KHDC1: variants seen among roughly 807,000 people sequenced by gnomAD.
KHDC1 encodes the protein KH domain containing 1.
KHDC1 carries 21 observed loss-of-function variants against 24.7 expected under a neutral mutation model. The observed-to-expected ratio is 0.85, with a 90% CI of 0.60 to 1.23. The LOEUF (loss-of-function observed/expected upper bound fraction) is 1.23. KHDC1 is among the 50% of genes most tolerant of loss of function. The pLI, the probability that KHDC1 is intolerant of heterozygous loss-of-function variation, is 0.00. For missense variants in KHDC1, 274 were observed against 298.5 expected (o/e 0.92, Z 0.61); for synonymous variants, 98 against 111.7 (o/e 0.88, Z 0.77).
At chr6:73,259,703 C>T (rs1028723860) in intron 2 of KHDC1, among the ~76,000 whole-genome samples, 2 of 152,168 alleles carry the variant, frequency 1.3e-5, no homozygotes, top group Non-Finnish European at 2.9e-5. Flanking sequence ...CTTCTCCACA[C>T]TTTTAAACAA....
intron 2 of KHDC1, among the ~76,000 whole-genome samples, chr6:73,252,524 C>T (rs1189215945): frequency 1.3e-5 from 2 of 152,084 alleles, no homozygotes; most frequent in Non-Finnish European, 2.9e-5. Flanking sequence ...ACTAGCCTCA[C>T]TCAGGCTGGG....
At chr6:73,264,349 A>G (rs1372426677) in intron 2 of KHDC1, among the ~76,000 whole-genome samples, 1 of 152,166 alleles carries the variant, frequency 6.6e-6, no homozygotes, top group Admixed American at 6.5e-5. Flanking sequence ...TAAAAGTTCT[A>G]ACTTTGAGGA....
intron 2 of KHDC1, chr6:73,274,134 T>C (rs1767234835): frequency 6.6e-6 from 1 of 152,162 alleles, no homozygotes; most frequent in African/African-American, 2.4e-5. Context: ...TAATAGCCAC[T>C]ACATGTTATA....
intron 2 of KHDC1, among the ~76,000 whole-genome samples, chr6:73,263,714 A>C (rs898087623): frequency 6.6e-6 from 1 of 151,924 alleles, no homozygotes; most frequent in South Asian, 2.1e-4. Flanking sequence ...TGTATTTGAG[A>C]TCCCATCTGC....
chr6:73,288,659 C>A (rs1767566817), intron 2 of KHDC1, among the ~76,000 whole-genome samples: 1 of 151,944 alleles, frequency 6.6e-6, no homozygotes, highest in Non-Finnish European at 1.5e-5. Context: ...CAGTGGCACA[C>A]ACCTGTTTTC....
chr6:73,256,709 C>T (rs991325719), intron 2 of KHDC1, among the ~76,000 whole-genome samples: 10 of 152,148 alleles, frequency 6.6e-5, no homozygotes, highest in Non-Finnish European at 2.9e-5. Flanking sequence ...GACATTTCCA[C>T]GTGTCTCATC....
At chr6:73,295,687 GA>G (rs569441996) in intron 1 of KHDC1, among the ~76,000 whole-genome samples, 20 of 150,096 alleles carry the variant, frequency 1.3e-4, no homozygotes, top group Non-Finnish European at 2.5e-4. Context: ...CTTTACTAAT[GA>G]TACAAAAATT....
chr6:73,300,066 A>G (rs1203499395), intron 1 of KHDC1: 1 of 152,306 alleles, frequency 6.6e-6, no homozygotes, highest in Admixed American at 6.6e-5. Context: ...CACATCCATA[A>G]TCGCAGCCTC....
At chr6:73,246,247 T>C (rs1766662634) in intron 2 of KHDC1, among the ~76,000 whole-genome samples, 1 of 152,196 alleles carries the variant, frequency 6.6e-6, no homozygotes, top group African/African-American at 2.4e-5. Flanking sequence ...TAATCTCTCC[T>C]TCACTGAATG....
At chr6:73,245,967 AATT>A (rs1439945162) in intron 2 of KHDC1, among the ~76,000 whole-genome samples, 46 of 152,196 alleles carry the variant, frequency 3.0e-4, no homozygotes, top group Admixed American at 2.9e-3. Flanking sequence ...CATAGTGGTA[AATT>A]ATTTCCTCAG....
intron 2 of KHDC1, among the ~76,000 whole-genome samples, chr6:73,251,914 C>T (rs1456496587): frequency 1.3e-5 from 2 of 151,676 alleles, no homozygotes; most frequent in African/African-American, 4.8e-5. Flanking sequence ...CCTCCCATTT[C>T]AGCCTCCTGA....
chr6:73,298,147 C>T (rs1334639835), intron 1 of KHDC1, among the ~76,000 whole-genome samples: 2 of 151,720 alleles, frequency 1.3e-5, no homozygotes, highest in African/African-American at 4.8e-5. Context: ...GGTGACAAAA[C>T]GAGACTCTGT....
intron 1 of KHDC1, among the ~76,000 whole-genome samples, chr6:73,307,567 T>C (rs965385297): frequency 1.3e-5 from 2 of 152,328 alleles, no homozygotes; most frequent in Non-Finnish European, 2.9e-5. Flanking sequence ...TCATCTTTCA[T>C]GGCACAAACA....
chr6:73,307,441 T>A (rs72945999), intron 1 of KHDC1, among the ~76,000 whole-genome samples: 27,125 of 150,816 alleles, frequency 0.18, 3,774 homozygotes, highest in African/African-American at 0.4. Context: ...ATAAATAAAT[T>A]AATTAATTAA....
At chr6:73,287,813 A>G (rs962674292) in intron 2 of KHDC1, among the ~76,000 whole-genome samples, 27 of 152,260 alleles carry the variant, frequency 1.8e-4, no homozygotes, top group Middle Eastern at 3.4e-3. Context: ...GAGTCCTAAG[A>G]TCTAGCTCAC....
chr6:73,263,394 T>G, intron 2 of KHDC1, 198 bp from the exon 1 acceptor site: 5 of 606,448 alleles, frequency 8.2e-6, no homozygotes, highest in Non-Finnish European at 8.3e-6. Flanking sequence ...CGACCCCCAT[T>G]GCTGAGCCAG....
chr6:73,303,662 A>G (rs1008672925), intron 1 of KHDC1, among the ~76,000 whole-genome samples: 1 of 152,234 alleles, frequency 6.6e-6, no homozygotes, highest in African/African-American at 2.4e-5. Flanking sequence ...CTGAGAAAAC[A>G]TCAGACAAAC....
At chr6:73,275,804 G>A (rs1767280100) in intron 2 of KHDC1, 1 of 152,686 alleles carries the variant, frequency 6.5e-6, no homozygotes, top group Non-Finnish European at 1.5e-5. Flanking sequence ...TCCAGAAGGA[G>A]TTCAAGGTCC....
chr6:73,296,096 C>T lies in KHDC1; in HGVS notation c.164-4056G>A, dbSNP rs572003781. On this transcript the variant is annotated intron_variant, in intron 1 of 4. Coordinates refer to ENST00000370384, the Ensembl canonical transcript of KHDC1. ...GGCGGAGGTTGCAGTGAGCCGAGAT[C>T]GTGCCACTGCACTCCAGCCTGGGTG... Among the ~76,000 whole-genome samples, 119 of 151,848 alleles carry T rather than the reference C, an allele frequency of 7.8e-4. 2 individuals are homozygous for T. In the South Asian group the frequency reaches 0.011, roughly 14 times the overall value.
Sources: gnomAD v4.1 joint callset for allele counts (sites outside exome capture counted in the v4.1 genomes callset) on GRCh38, gnomAD v4.1.1 for gene constraint, MANE v1.5 for transcripts, NCBI Gene and HGNC (gene_info 2026-07-23, HGNC 2026-07-21) for gene names.